The following CUL1 variants were observed in gnomAD, a reference collection of about 807,000 sequenced individuals.
CUL1 encodes cullin 1.
In CUL1, 24 loss-of-function variants were observed where a neutral mutation model predicts 118.0. That is an observed-to-expected ratio of 0.20 (90% confidence interval 0.15 to 0.29). CUL1 has a LOEUF of 0.29. CUL1 is among the 10% of genes least tolerant of loss of function. CUL1 has a pLI of 1.00. For missense variants in CUL1, 361 were observed against 933.8 expected, an observed-to-expected ratio of 0.39 and a Z score of 7.99; for synonymous variants, 332 against 340.4, an observed-to-expected ratio of 0.98 and a Z score of 0.27.
At chr7:148,710,663 CCTT>C (rs1230106003) in intron 1 of CUL1, among the ~76,000 whole-genome samples, 1 of 151,844 alleles carries the variant, frequency 6.6e-6, no homozygotes, top group Non-Finnish European at 1.5e-5. Flanking sequence ...CACATTTTCT[CCTT>C]TTTTTTTTTT....
At chr7:148,789,638 T>G in intron 14 of CUL1, 112 bp from the exon 15 acceptor site, 10 of 774,196 alleles carry the variant, frequency 1.3e-5, no homozygotes, top group Non-Finnish European at 1.7e-5. Flanking sequence ...TTATTTAATG[T>G]GCTTTTTAAT....
chr7:148,781,791 G>A (rs1800646549), intron 9 of CUL1, among the ~76,000 whole-genome samples: 3 of 152,156 alleles, frequency 2.0e-5, no homozygotes, highest in Non-Finnish European at 4.4e-5. Flanking sequence ...GCTGCCAGGT[G>A]GGCAAGGCCT....
At chr7:148,783,202 C>G in intron 9 of CUL1, 1 of 319,290 alleles carries the variant, frequency 3.1e-6, no homozygotes, top group Non-Finnish European at 4.5e-6. Flanking sequence ...CCATGTTGTT[C>G]CTTGTTCCGG....
intron 2 of CUL1, among the ~76,000 whole-genome samples, chr7:148,748,837 T>C (rs908067980): frequency 1.3e-5 from 2 of 152,210 alleles, no homozygotes; most frequent in Non-Finnish European, 2.9e-5. Flanking sequence ...AAAATGAAAT[T>C]AAATTTTTTT....
intron 1 of CUL1, among the ~76,000 whole-genome samples, chr7:148,725,219 G>GCGCGCGCGCGCACACACACACACA: frequency 9.3e-5 from 13 of 140,058 alleles, no homozygotes; most frequent in African/African-American, 2.5e-4. Context: ...ACACGCGCGC[G>GCGCGCGCGCGCACACACACACACA]CTCACACACA....
intron 9 of CUL1, among the ~76,000 whole-genome samples, chr7:148,779,302 AG>A (rs1446282923): frequency 3.3e-5 from 5 of 152,234 alleles, no homozygotes; most frequent in African/African-American, 1.2e-4. Context: ...CAGTGGTAGC[AG>A]GCAGACACGG....
chr7:148,708,596 G>T (rs1469685874), intron 1 of CUL1, among the ~76,000 whole-genome samples: 1 of 152,184 alleles, frequency 6.6e-6, no homozygotes, highest in East Asian at 1.9e-4. Context: ...GATAGAGTGG[G>T]CTCTGCTCTT....
intron 20 of CUL1, 67 bp from the exon 21 acceptor site, chr7:148,799,208 C>G: frequency 8.0e-7 from 1 of 1,243,232 alleles, no homozygotes; most frequent in Non-Finnish European, 1.2e-6. Context: ...TGCAGCTTGT[C>G]CTTAACTATC....
chr7:148,738,468 A>T (rs776953574), intron 2 of CUL1, among the ~76,000 whole-genome samples: 43 of 152,254 alleles, frequency 2.8e-4, no homozygotes, highest in Non-Finnish European at 4.9e-4. Flanking sequence ...TGGAGGCTGA[A>T]CCAGGCTTGG....
At position 148,730,405 on chromosome 7, in the gene CUL1, T is replaced by C. The variant is rs761280922; in HGVS notation, c.140+143T>C. The C allele has an allele frequency of 9.4e-4, 956 of 1,013,286 alleles. 16 individuals carry two copies. The highest frequency in any genetic ancestry group is 1.6e-4 in the Non-Finnish European group (115 of 718,466). The allele number at this position is 1,013,286 out of a possible 1,614,324, so 62.8% of individuals were successfully genotyped here. A position where few individuals can be genotyped will look rare whatever the true frequency, so the allele number is the denominator to read the frequency against. ...CGCAGGGTTCATTTTTAGCCTTAAG[T>C]TTTTGAACAGAGTAGAACTGGTTCA... is the stretch of plus-strand genomic sequence containing the variant. On this transcript the variant is annotated intron_variant, in intron 2 of 21. Transcript: ENST00000325222.
At chr7:148,788,486 C>T in intron 13 of CUL1, 71 bp from the exon 14 acceptor site, 1 of 960,044 alleles carries the variant, frequency 1.0e-6, no homozygotes, top group East Asian at 2.4e-5. Context: ...ACTCTGATTT[C>T]TCTAAGATTC....
Position 148,759,552 on chromosome 7 carries a change from C to A in CUL1, c.539C>A (p.Thr180Lys). 1 of 1,597,712 alleles carries A rather than the reference C, an allele frequency of 6.3e-7. No homozygotes were observed. Among genetic ancestry groups the A allele is most frequent in the Non-Finnish European group, 8.6e-7 (1 of 1,168,636 alleles). The change falls in exon 6 of 22, where the codon ACA (threonine) becomes AAA (lysine). Residue 180 changes from threonine to lysine, a missense_variant. Physicochemically the swap from Thr to Lys is moderately conservative, Grantham distance 78. Around this residue, in one of 7 missense-constraint regions of CUL1, gnomAD observed 169 missense variants for 429.7 expected, o/e 0.39. Transcript: ENST00000325222. ...TTTTCTACATCCTTTCTAAAGGTAA[C>A]AAATGCTGTTTTAAAGCTGATTGAA... ...CLFRPLNKQV[T>K]NAVLKLIEKE... is the part of the protein sequence containing the mutation.
intron 9 of CUL1, among the ~76,000 whole-genome samples, chr7:148,775,504 T>C (rs1800364977): frequency 1.3e-5 from 2 of 152,222 alleles, no homozygotes. Flanking sequence ...AAATTTTCTA[T>C]ATTAAAACAT....
At chr7:148,777,689 A>G (rs1270613423) in intron 9 of CUL1, among the ~76,000 whole-genome samples, 1 of 152,092 alleles carries the variant, frequency 6.6e-6, no homozygotes, top group African/African-American at 2.4e-5. Flanking sequence ...CTGCAGCAAC[A>G]TTTTTGAATT....
chr7:148,776,719 C>T (rs561817245), intron 9 of CUL1, among the ~76,000 whole-genome samples: 47 of 152,238 alleles, frequency 3.1e-4, no homozygotes, highest in African/African-American at 1.1e-3. Flanking sequence ...CACGTCCCTA[C>T]CCAAATTTGA....
chr7:148,731,018 T>A (rs1376505628), intron 2 of CUL1, among the ~76,000 whole-genome samples: 1 of 152,184 alleles, frequency 6.6e-6, no homozygotes, highest in Non-Finnish European at 1.5e-5. Context: ...TCTTGCTATG[T>A]TGCCCGGGCT....
chr7:148,722,414 G>A (rs1478995810), intron 1 of CUL1, among the ~76,000 whole-genome samples: 1 of 152,064 alleles, frequency 6.6e-6, no homozygotes, highest in East Asian at 1.9e-4. Context: ...CTCCATAGCC[G>A]CTTCTCACAC....
chr7:148,798,741 G>C, intron 20 of CUL1, 64 bp downstream of exon 20: 1 of 1,296,310 alleles, frequency 7.7e-7, no homozygotes, highest in Non-Finnish European at 1.1e-6. Flanking sequence ...TCGCAAGGAC[G>C]GGCCGTGGGG....
intron 2 of CUL1, among the ~76,000 whole-genome samples, chr7:148,745,683 A>G (rs940816617): frequency 6.6e-6 from 1 of 152,196 alleles, no homozygotes; most frequent in African/African-American, 2.4e-5. Flanking sequence ...CAGGAAATCA[A>G]TAATTTACGC....
Sources: gnomAD v4.1 joint callset for allele counts (sites outside exome capture counted in the v4.1 genomes callset) on GRCh38, gnomAD v4.1.1 for gene constraint, gnomAD v4.1.1 regional missense constraint, MANE v1.5 for transcripts, NCBI Gene and HGNC (gene_info 2026-07-23, HGNC 2026-07-21) for gene names.